WDR72: variants seen among roughly 807,000 people sequenced by gnomAD.
WDR72 encodes the protein WD repeat-containing protein 72.
Under a neutral mutation model 124.2 loss-of-function variants are expected in WDR72, and 120 were observed. The ratio of observed to expected loss-of-function variants is 0.97; its 90% CI spans 0.83 to 1.12. The LOEUF is 1.12. Ranked by LOEUF, WDR72 falls within the 50% of genes most tolerant of loss-of-function variation. The pLI, the probability that WDR72 is intolerant of heterozygous loss-of-function variation, is 0.00. For missense variants in WDR72, 1,387 were observed against 1,278.8 expected (o/e 1.08, Z -1.29); for synonymous variants, 452 against 441.7 (o/e 1.02, Z -0.29).
chr15:53,535,718 A>G (rs943579443), intron 18 of WDR72, among the ~76,000 whole-genome samples: 4 of 152,186 alleles, frequency 2.6e-5, no homozygotes, highest in African/African-American at 9.6e-5. Flanking sequence ...TTTCATTGAC[A>G]AATCTGAAAC....
intron 18 of WDR72, among the ~76,000 whole-genome samples, chr15:53,574,520 T>C (rs562701369): frequency 6.6e-6 from 1 of 152,312 alleles, no homozygotes; most frequent in South Asian, 2.1e-4. Context: ...TGGAGAAATA[T>C]GTAAAATATG....
intron 2 of WDR72, among the ~76,000 whole-genome samples, chr15:53,726,657 T>C (rs1271468236): frequency 6.6e-6 from 1 of 151,336 alleles, no homozygotes; most frequent in South Asian, 2.1e-4. Context: ...GCCTGGGCAA[T>C]GTAGTGAGAC....
intron 14 of WDR72, among the ~76,000 whole-genome samples, chr15:53,643,509 A>T (rs1467591610): frequency 6.6e-6 from 1 of 152,098 alleles, no homozygotes; most frequent in Non-Finnish European, 1.5e-5. Context: ...AGTCCAAAGC[A>T]CCATGGTTTC....
In WDR72 at chr15:53,517,891, A is replaced by G. The variant is rs180747579; in HGVS notation, c.3254-137T>C. 326 of 816,096 alleles carry G rather than the reference A, an allele frequency of 4.0e-4. No homozygotes were observed. The East Asian group carries it at 8.0e-3, about 20-fold the overall frequency. The allele number at this position is 816,096 out of a possible 1,614,324, so 50.6% of individuals were successfully genotyped here. A position where few individuals can be genotyped will look rare whatever the true frequency, so the allele number is the denominator to read the frequency against. ...AAGAAGGGAGAGAATGAGGAAAAAA[A>G]GAAAGAAAGGAAGAAAGGTATTGCT... On this transcript the variant is annotated intron_variant, in intron 19 of 19. Coordinates refer to ENST00000360509, the MANE Select transcript of WDR72 (RefSeq NM_182758.4).
chr15:53,580,819 G>A lies in WDR72; in HGVS notation c.3148+16260C>T, dbSNP rs147040403. Among the ~76,000 whole-genome samples, 311 of 152,126 alleles carry A rather than the reference G, an allele frequency of 2.0e-3. 3 individuals are homozygous for A. The highest frequency in any genetic ancestry group is 7.2e-3 in the African/African-American group (300 of 41,528). On this transcript the variant is annotated intron_variant, in intron 18 of 19. Transcript: ENST00000360509. ...CACAATTTTATAGTGGGAGTTCAGG[G>A]ATGTATAGAAAAACTAATACAGCCT...
chr15:53,609,243 C>T (rs1380474551), intron 17 of WDR72, among the ~76,000 whole-genome samples: 1 of 152,052 alleles, frequency 6.6e-6, no homozygotes, highest in Non-Finnish European at 1.5e-5. Context: ...AATGGACAAT[C>T]CTGCTTCAAA....
intron 16 of WDR72, among the ~76,000 whole-genome samples, chr15:53,610,107 A>C (rs544179702): frequency 1.3e-5 from 2 of 152,186 alleles, no homozygotes; most frequent in African/African-American, 2.4e-5. Context: ...CACTTTGATC[A>C]ATAGGTAGAG....
intron 14 of WDR72, among the ~76,000 whole-genome samples, chr15:53,634,756 T>C (rs1202258186): frequency 6.6e-6 from 1 of 152,194 alleles, no homozygotes. Context: ...GCTCAACCTC[T>C]TGTCTCACCA....
At chr15:53,688,396 ACAAG>A (rs2016719586) in intron 13 of WDR72, among the ~76,000 whole-genome samples, 3 of 148,834 alleles carry the variant, frequency 2.0e-5, no homozygotes, top group Non-Finnish European at 4.5e-5. Context: ...TACAAAAATC[ACAAG>A]CATTCTTATA....
In WDR72 at chr15:53,668,947, C is replaced by G. The variant is rs796937535; in HGVS notation, c.1766-3179G>C. On this transcript the variant is annotated intron_variant, in intron 13 of 19. Coordinates refer to ENST00000360509, the MANE Select transcript of WDR72 (RefSeq NM_182758.4). Reference sequence around the variant, plus strand: ...GAGGAAGGAGGAGGAGGAGGAGGAGCAGGAGGAGGAGGAGAAGGAGGAGGA... The same window carrying G: ...GAGGAAGGAGGAGGAGGAGGAGGAGGAGGAGGAGGAGGAGAAGGAGGAGGA... 1.7e-3 allele frequency among the ~76,000 whole-genome samples: 140 copies of G among 83,762 alleles called. 2 individuals carry two copies. Among genetic ancestry groups the G allele is most frequent in the South Asian group, 5.2e-3 (8 of 1,542 alleles). 55.0% of individuals were successfully genotyped at this position (83,762 alleles called of 152,430 possible). A position where few individuals can be genotyped will look rare whatever the true frequency, so the allele number is the denominator to read the frequency against.
intron 18 of WDR72, among the ~76,000 whole-genome samples, chr15:53,539,532 G>T (rs149312108): frequency 8.6e-4 from 131 of 152,026 alleles, no homozygotes; most frequent in African/African-American, 3.1e-3. Flanking sequence ...TGCTGGAAGA[G>T]AGAAAGTAAA....
chr15:53,555,870 T>C (rs1893912742), intron 18 of WDR72, among the ~76,000 whole-genome samples: 1 of 152,104 alleles, frequency 6.6e-6, no homozygotes, highest in African/African-American at 2.4e-5. Context: ...GAAAGGGCTA[T>C]TAATTTTATT....
At chr15:53,676,399 G>A (rs529011) in intron 13 of WDR72, among the ~76,000 whole-genome samples, 14,536 of 152,256 alleles carry the variant, frequency 0.095, 1,857 homozygotes, top group African/African-American at 0.29. Flanking sequence ...CTAATTTGAT[G>A]AGCGCTTTGA....
intron 2 of WDR72, among the ~76,000 whole-genome samples, chr15:53,728,938 A>G (rs985120477): frequency 2.0e-5 from 3 of 152,182 alleles, no homozygotes; most frequent in African/African-American, 7.2e-5. Flanking sequence ...CCCACTGCAC[A>G]TGGTCAAGGA....
At chr15:53,652,430 T>A (rs1389298057) in intron 14 of WDR72, among the ~76,000 whole-genome samples, 1 of 152,240 alleles carries the variant, frequency 6.6e-6, no homozygotes, top group Admixed American at 6.5e-5. Flanking sequence ...TTTCAAATGA[T>A]GTACAAAAGC....
At chr15:53,661,028 G>C (rs2015591042) in intron 14 of WDR72, among the ~76,000 whole-genome samples, 1 of 152,138 alleles carries the variant, frequency 6.6e-6, no homozygotes, top group Non-Finnish European at 1.5e-5. Context: ...CTAGTCCACT[G>C]CCTGTTTTTG....
At chr15:53,729,049 T>A (rs1057096493) in intron 2 of WDR72, among the ~76,000 whole-genome samples, 1 of 151,994 alleles carries the variant, frequency 6.6e-6, no homozygotes. Flanking sequence ...TATTCTCCAA[T>A]CCCCTTTATT....
chr15:53,644,684 C>G (rs750012794), intron 14 of WDR72, among the ~76,000 whole-genome samples: 20 of 152,096 alleles, frequency 1.3e-4, no homozygotes, highest in Admixed American at 1.2e-3. Flanking sequence ...CATTCATTTT[C>G]AGATTCTCTG....
At chr15:53,695,729 A>C (rs2016982292) in intron 13 of WDR72, among the ~76,000 whole-genome samples, 2 of 152,130 alleles carry the variant, frequency 1.3e-5, no homozygotes, top group African/African-American at 4.8e-5. Context: ...CCTGTCATCC[A>C]TCTCACTATG....
Sources: allele counts gnomAD v4.1 joint callset (sites outside exome capture counted in the v4.1 genomes callset), GRCh38; gene constraint gnomAD v4.1.1; transcripts MANE v1.5; gene names NCBI Gene and HGNC (gene_info 2026-07-23, HGNC 2026-07-21).